Variants in INPP4B observed in about 807,000 individuals in gnomAD.
The protein encoded by INPP4B is inositol polyphosphate 4-phosphatase type II.
INPP4B carries 55 observed loss-of-function variants against 122.5 expected under a neutral mutation model. The ratio of observed to expected loss-of-function variants is 0.45; its 90% confidence interval spans 0.36 to 0.56. The LOEUF is 0.56. INPP4B is among the 20% of genes least tolerant of loss of function. INPP4B has a pLI of 0.00. For synonymous variants in INPP4B, 403 were observed against 388.7 expected (o/e 1.04, Z -0.43); for missense variants, 1,000 against 1,097.7 (o/e 0.91, Z 1.26).
chr4:142,484,457 A>T (rs1375292342), intron 2 of INPP4B, among the ~76,000 whole-genome samples: 1 of 152,082 alleles, frequency 6.6e-6, no homozygotes, highest in East Asian at 1.9e-4. Context: ...ATCCTGTAAG[A>T]CTTCCATTGG....
intron 25 of INPP4B, among the ~76,000 whole-genome samples, chr4:142,048,913 A>G (rs1214744345): frequency 1.3e-5 from 2 of 152,072 alleles, no homozygotes; most frequent in Non-Finnish European, 2.9e-5. Context: ...GTGGCAGAAC[A>G]TATCAATGCC....
intron 5 of INPP4B, among the ~76,000 whole-genome samples, chr4:142,428,341 C>G (rs10519654): frequency 0.015 from 2,302 of 148,610 alleles, 53 homozygotes; most frequent in African/African-American, 0.054. Context: ...TCTCTGTATA[C>G]GAAATTGAAT....
rs557289841 is a variant in INPP4B, at chr4:142,530,094, A to G, written c.-190-67368T>C. Among the ~76,000 whole-genome samples the G allele has an allele frequency of 3.1e-4, 47 of 152,204 alleles. No individual in the cohort carries two copies. In the East Asian group the frequency reaches 6.4e-3, roughly 21 times the overall value. On this transcript the variant is annotated intron_variant, in intron 2 of 25. Coordinates refer to ENST00000262992, the MANE Select transcript of INPP4B (RefSeq NM_001101669.3). ...CTGACTACTACATATGTCAACTCCA[A>G]TGGATAGATGGCTGAAGCACTGAGT...
At chr4:142,100,391 T>C (rs988973952) in intron 23 of INPP4B, among the ~76,000 whole-genome samples, 4 of 152,050 alleles carry the variant, frequency 2.6e-5, no homozygotes, top group Non-Finnish European at 4.4e-5. Flanking sequence ...TCAACAACAC[T>C]CTAGATCCAG....
At chr4:142,779,320 T>A (rs1408447150) in intron 1 of INPP4B, among the ~76,000 whole-genome samples, 1 of 152,172 alleles carries the variant, frequency 6.6e-6, no homozygotes, top group African/African-American at 2.4e-5. Flanking sequence ...TTGGTAAGGA[T>A]GTTTTAATTA....
intron 17 of INPP4B, among the ~76,000 whole-genome samples, chr4:142,149,097 G>A (rs531975099): frequency 3.9e-5 from 6 of 152,320 alleles, no homozygotes; most frequent in Non-Finnish European, 7.3e-5. Flanking sequence ...CCTTTACTAA[G>A]AAGTTATTAC....
In INPP4B at chr4:142,356,154, G is replaced by T. The variant is rs186924869; in HGVS notation, c.373-41392C>A. On this transcript the variant is annotated intron_variant, in intron 7 of 25. Coordinates refer to ENST00000262992, the MANE Select transcript of INPP4B (RefSeq NM_001101669.3). ...TTACAATACAAGTTCAAAAGAGAAA[G>T]ATTATATTAGTTAATCTAGAAAATG... Among the ~76,000 whole-genome samples the T allele has an allele frequency of 3.5e-3, 524 of 150,860 alleles. 5 individuals carry two copies. Among genetic ancestry groups the T allele is most frequent in the African/African-American group, 0.012 (485 of 41,032 alleles).
intron 16 of INPP4B, among the ~76,000 whole-genome samples, chr4:142,165,962 T>C (rs769419358): frequency 6.6e-6 from 1 of 151,744 alleles, no homozygotes; most frequent in Non-Finnish European, 1.5e-5. Flanking sequence ...TGCATTTTTC[T>C]AATGGTAAAT....
intron 2 of INPP4B, among the ~76,000 whole-genome samples, chr4:142,644,996 T>C (rs958994870): frequency 6.6e-6 from 1 of 151,414 alleles, no homozygotes; most frequent in African/African-American, 2.4e-5. Flanking sequence ...AAAAAGTACA[T>C]GTTAAGATCT....
chr4:142,590,732 T>C (rs1737249796), intron 2 of INPP4B, among the ~76,000 whole-genome samples: 1 of 151,600 alleles, frequency 6.6e-6, no homozygotes, highest in Non-Finnish European at 1.5e-5. Context: ...AATGTGTATA[T>C]ATATACAGAT....
chr4:142,269,665 A>G (rs1744799880), intron 10 of INPP4B, among the ~76,000 whole-genome samples: 1 of 152,172 alleles, frequency 6.6e-6, no homozygotes, highest in Non-Finnish European at 1.5e-5. Flanking sequence ...TGGTTACTGT[A>G]TAATAGTCCA....
chr4:142,044,447 A>C (rs190417698), intron 25 of INPP4B, among the ~76,000 whole-genome samples: 1 of 151,988 alleles, frequency 6.6e-6, no homozygotes, highest in Admixed American at 6.6e-5. Context: ...AGGAGGCTAC[A>C]AAGGAAACGA....
chr4:142,519,716 A>C (rs1825844801), intron 2 of INPP4B, among the ~76,000 whole-genome samples: 1 of 152,138 alleles, frequency 6.6e-6, no homozygotes, highest in Admixed American at 6.6e-5. Context: ...CAAAGCACAT[A>C]ATCTATTATT....
intron 2 of INPP4B, among the ~76,000 whole-genome samples, chr4:142,714,533 C>G (rs1270562630): frequency 6.6e-6 from 1 of 152,126 alleles, no homozygotes; most frequent in African/African-American, 2.4e-5. Flanking sequence ...TGGTGGCTGA[C>G]TACAAATGAG....
intron 25 of INPP4B, among the ~76,000 whole-genome samples, chr4:142,035,612 A>G (rs1436966845): frequency 6.6e-6 from 1 of 152,116 alleles, no homozygotes; most frequent in Non-Finnish European, 1.5e-5. Flanking sequence ...ACCAGCAGCA[A>G]TTGTTTATGT....
At chr4:142,457,678 A>G (rs1317047322) in intron 3 of INPP4B, among the ~76,000 whole-genome samples, 3 of 152,222 alleles carry the variant, frequency 2.0e-5, no homozygotes, top group African/African-American at 4.8e-5. Flanking sequence ...CAACCTTCCA[A>G]TGTATGGATC....
At chr4:142,057,327 C>A (rs2645792) in intron 25 of INPP4B, among the ~76,000 whole-genome samples, 2 of 151,972 alleles carry the variant, frequency 1.3e-5, no homozygotes, top group South Asian at 2.1e-4. Context: ...GAAACGTAAC[C>A]TATAATCAAG....
intron 18 of INPP4B, among the ~76,000 whole-genome samples, chr4:142,136,067 G>A (rs1804030728): frequency 6.6e-6 from 1 of 152,292 alleles, no homozygotes. Flanking sequence ...AAAGTGCTGG[G>A]ATTACAGGTG....
At chr4:142,666,517 TTTA>T (rs779769529) in intron 2 of INPP4B, among the ~76,000 whole-genome samples, 1 of 152,192 alleles carries the variant, frequency 6.6e-6, no homozygotes, top group African/African-American at 2.4e-5. Context: ...TTCTTAATAT[TTTA>T]TTATATTAAT....
Sources: gnomAD v4.1 joint callset for allele counts (sites outside exome capture counted in the v4.1 genomes callset) on GRCh38, gnomAD v4.1.1 for gene constraint, MANE v1.5 for transcripts, NCBI Gene and HGNC (gene_info 2026-07-23, HGNC 2026-07-21) for gene names.